Variants in PCMT1 observed in about 807,000 individuals in gnomAD.
PCMT1 encodes protein-L-isoaspartate(D-aspartate) O-methyltransferase.
In PCMT1, 9 loss-of-function variants were observed where a neutral mutation model predicts 29.2. The observed-to-expected ratio is 0.31, with a 90% confidence interval of 0.19 to 0.54. The LOEUF (loss-of-function observed/expected upper bound fraction) is 0.54. Ranked by LOEUF, PCMT1 falls within the 20% of genes least tolerant of loss-of-function variation. PCMT1 has a pLI of 0.95. For missense variants in PCMT1, 184 were observed against 282.2 expected (o/e 0.65, Z 2.49); for synonymous variants, 98 against 97.5 (o/e 1.00, Z -0.03).
chr6:149,787,843 G>GTA (rs1352729274), intron 3 of PCMT1, among the ~76,000 whole-genome samples: 2 of 142,480 alleles, frequency 1.4e-5, no homozygotes, highest in South Asian at 4.5e-4. Flanking sequence ...GTGTGTGTGT[G>GTA]TATGTGTGTG....
intron 4 of PCMT1, among the ~76,000 whole-genome samples, chr6:149,791,032 G>A (rs909673865): frequency 1.3e-5 from 2 of 151,960 alleles, no homozygotes; most frequent in Admixed American, 1.3e-4. Flanking sequence ...TGGGGGGTGG[G>A]CTTAGCATGG....
At chr6:149,772,020 C>A (rs1187772589) in intron 2 of PCMT1, 1 of 456,632 alleles carries the variant, frequency 2.2e-6, no homozygotes, top group East Asian at 6.9e-5. Context: ...TTAGAAAGTC[C>A]TGTATTTAAC....
chr6:149,793,763 AT>A lies in PCMT1; in HGVS notation c.418+103del, dbSNP rs373821867. ...AATAATACTCAGAGGTAATTATTGT[AT>A]TTTTTTTTACAATCACTTTTAAGTA... On this transcript the variant is annotated intron_variant, in intron 5 of 7. Coordinates refer to ENST00000464889, the MANE Select transcript of PCMT1 (RefSeq NM_001360452.2). 2,383 of 1,080,698 alleles carry A rather than the reference AT, an allele frequency of 2.2e-3. 1 individual carries two copies. The highest frequency in any genetic ancestry group is 3.9e-3 in the South Asian group (154 of 39,634). The allele number at this position is 1,080,698 out of a possible 1,614,324, so 66.9% of individuals were successfully genotyped here. A position where few individuals can be genotyped will look rare whatever the true frequency, so the allele number is the denominator to read the frequency against.
chr6:149,749,745 TG>T lies in PCMT1; in HGVS notation c.-155del. 1 of 1,546,016 alleles carries T rather than the reference TG, an allele frequency of 6.5e-7. No individual in the cohort carries two copies. The highest frequency in any genetic ancestry group is 8.7e-7 in the Non-Finnish European group (1 of 1,144,716). On this transcript the variant is annotated 5_prime_UTR_variant, in exon 1 of 8. Transcript: ENST00000464889. The stretch of plus-strand genomic sequence containing the variant: ...CGCGGGGGATGCCGGGAGCGCGCAG[TG>T]GCGGCAGCGGCGGCGACGGCAGTAA...
chr6:149,793,493 A>G (rs1322250017), intron 4 of PCMT1, 56 bp from the exon 5 acceptor site: 2 of 1,371,998 alleles, frequency 1.5e-6, no homozygotes, highest in South Asian at 2.3e-5. Flanking sequence ...CTTCAATAAT[A>G]CTTTAGAAAA....
intron 3 of PCMT1, among the ~76,000 whole-genome samples, chr6:149,788,360 T>C (rs959382660): frequency 6.6e-6 from 1 of 152,234 alleles, no homozygotes; most frequent in South Asian, 2.1e-4. Context: ...ATATTCCTTA[T>C]AGGAAAAGAA....
rs541565200 is a variant in PCMT1, at chr6:149,811,210, C to T, written c.*632C>T. ...AAGATGGCAGGTGATGTCCTGTAAA[C>T]ACTCAGCTGTTCAGATTGGACATAA... On this transcript the variant is annotated 3_prime_UTR_variant, in exon 8 of 8. Transcript: ENST00000464889. The T allele has an allele frequency of 6.5e-6, 1 of 152,826 alleles. No homozygotes were observed. Among genetic ancestry groups the T allele is most frequent in the South Asian group, 2.1e-4 (1 of 4,828 alleles). 9.5% of individuals were successfully genotyped at this position (152,826 alleles called of 1,614,324 possible). A position where few individuals can be genotyped will look rare whatever the true frequency, so the allele number is the denominator to read the frequency against.
chr6:149,757,657 C>A (rs531377412), intron 1 of PCMT1, among the ~76,000 whole-genome samples: 1 of 152,232 alleles, frequency 6.6e-6, no homozygotes, highest in East Asian at 1.9e-4. Context: ...TAAGTATTCA[C>A]AAAGCTATCC....
At chr6:149,803,797 G>GAAAAAAAAAAA (rs35832236) in intron 7 of PCMT1, among the ~76,000 whole-genome samples, 1 of 109,912 alleles carries the variant, frequency 9.1e-6, no homozygotes, top group African/African-American at 3.3e-5. Flanking sequence ...ACAGCCACTG[G>GAAAAAAAAAAA]AAAAAAAAAA....
chr6:149,799,560 C>T (rs1034465893), intron 6 of PCMT1, among the ~76,000 whole-genome samples: 3 of 152,182 alleles, frequency 2.0e-5, no homozygotes, highest in Admixed American at 6.5e-5. Context: ...CAAAATGCTT[C>T]TGAAGGAACT....
At chr6:149,795,107 C>T (rs868105320) in intron 5 of PCMT1, 1 of 318,324 alleles carries the variant, frequency 3.1e-6, no homozygotes, top group Admixed American at 4.5e-5. Context: ...GCAGGAGAAT[C>T]GCTTGAACCT....
intron 3 of PCMT1, among the ~76,000 whole-genome samples, chr6:149,786,302 CT>C: frequency 1.9e-4 from 1 of 5,158 alleles, no homozygotes; most frequent in Non-Finnish European, 3.1e-4. Context: ...GACGGGGCGG[CT>C]GGCCGGGCGG....
chr6:149,792,613 A>C (rs1788416754), intron 4 of PCMT1, among the ~76,000 whole-genome samples: 2 of 151,922 alleles, frequency 1.3e-5, no homozygotes, highest in South Asian at 4.2e-4. Flanking sequence ...CCCAGGCTCA[A>C]GTGATCCTCA....
chr6:149,777,868 CTTTTCTTCT>C (rs1346823327), intron 3 of PCMT1, among the ~76,000 whole-genome samples: 2 of 132,384 alleles, frequency 1.5e-5, no homozygotes, highest in Non-Finnish European at 3.1e-5. Flanking sequence ...TTCTTTCCTT[CTTTTCTTCT>C]TTTTTTTTTT....
chr6:149,750,854 A>G (rs1366335259), intron 1 of PCMT1, among the ~76,000 whole-genome samples: 2 of 152,180 alleles, frequency 1.3e-5, no homozygotes, highest in Non-Finnish European at 2.9e-5. Flanking sequence ...CAAGGGCCGC[A>G]GTCTATAATA....
chr6:149,807,529 C>T (rs77778010), intron 7 of PCMT1, among the ~76,000 whole-genome samples: 2,219 of 152,128 alleles, frequency 0.015, 61 homozygotes, highest in African/African-American at 0.051. Context: ...CACCACGAGG[C>T]CCGGCTAATT....
intron 3 of PCMT1, among the ~76,000 whole-genome samples, chr6:149,786,032 G>A (rs1408550494): frequency 6.8e-6 from 1 of 147,042 alleles, no homozygotes. Context: ...TGGCCGGGCG[G>A]GGGGCTGACC....
At chr6:149,755,440 T>A (rs369175148) in intron 1 of PCMT1, among the ~76,000 whole-genome samples, 1 of 150,496 alleles carries the variant, frequency 6.6e-6, no homozygotes, top group African/African-American at 2.4e-5. Flanking sequence ...AAAAAAAAAA[T>A]GTTGAGTATC....
chr6:149,769,770 A>ATTT (rs34274281), intron 1 of PCMT1, among the ~76,000 whole-genome samples: 26 of 99,724 alleles, frequency 2.6e-4, no homozygotes, highest in Non-Finnish European at 4.2e-4. Context: ...AGCTAATTAA[A>ATTT]TTTTTTTTTT....
Sources: gnomAD v4.1 joint callset for allele counts (sites outside exome capture counted in the v4.1 genomes callset) on GRCh38, gnomAD v4.1.1 for gene constraint, MANE v1.5 for transcripts, NCBI Gene and HGNC (gene_info 2026-07-23, HGNC 2026-07-21) for gene names.